Variants in CR2 observed in about 807,000 individuals in gnomAD.
The protein encoded by CR2 is complement C3d receptor 2.
A neutral mutation model predicts 123.0 loss-of-function variants in CR2; 96 were observed. The ratio of observed to expected loss-of-function variants is 0.78; its 90% CI spans 0.66 to 0.93. The LOEUF is 0.93. CR2 is among the 40% of genes least tolerant of loss of function. CR2 has a pLI of 0.00. For missense variants in CR2, 1,258 were observed against 1,361.0 expected, an observed-to-expected ratio of 0.92 and a Z score of 1.19; for synonymous variants, 484 against 469.5, an observed-to-expected ratio of 1.03 and a Z score of -0.40.
chr1:207,478,154 G>T (rs752693087), intron 16 of CR2, 84 bp downstream of exon 16: 138 of 1,411,548 alleles, frequency 9.8e-5, no homozygotes, highest in Non-Finnish European at 1.3e-4. Context: ...GGAGAGTCCT[G>T]GGTTTTAAAT....
Position 207,468,950 on chromosome 1 carries a change from G to A in CR2, c.734+51G>A, listed in dbSNP as rs1507764. 0.2 allele frequency: 312,203 copies of A among 1,583,030 alleles called. 31,846 individuals carry two copies. Among genetic ancestry groups the A allele is most frequent in the Middle Eastern group, 0.26 (1,544 of 5,996 alleles). On this transcript the variant is annotated intron_variant, in intron 4 of 19. Transcript: ENST00000367057. ...TTTAATTCATTTGTCTTGTGTGTGC[G>A]TGGTGTGGACTGTGAAACCTGCAGA...
In CR2 at chr1:207,475,141, A is replaced by G; in HGVS notation, c.2641A>G (p.Met881Val). Residue 881 changes from methionine (M) to valine (V), a missense_variant, in exon 14 of 20, where the codon ATG (methionine) becomes GTG (valine). By Grantham distance (21) the Met-to-Val change is conservative. Coordinates refer to ENST00000367057, the MANE Select transcript of CR2 (RefSeq NM_001006658.3). The part of the protein sequence containing the change: ...VYVDCNPGFI[M>V]NGSRVIRCHT... The stretch of plus-strand genomic sequence containing the variant: ...TGTTGACTGCAATCCTGGCTTCATC[A>G]TGAATGGTAGTCGCGTGATTAGGTG... 2 of 1,612,818 alleles carry G rather than the reference A, an allele frequency of 1.2e-6. No individual in the cohort carries two copies. The highest frequency in any genetic ancestry group is 1.7e-6 in the Non-Finnish European group (2 of 1,179,508).
At chr1:207,484,279 A>G (rs1245564969) in intron 18 of CR2, among the ~76,000 whole-genome samples, 3 of 152,260 alleles carry the variant, frequency 2.0e-5, no homozygotes, top group South Asian at 4.1e-4. Context: ...AAGTGCCTCA[A>G]CTGATATGAA....
chr1:207,473,041 T>C lies in CR2; in HGVS notation c.1840T>C (p.Ser614Pro). 6.2e-7 allele frequency: 1 copy of C among 1,614,016 alleles called. No individual in the cohort carries two copies. Among genetic ancestry groups the C allele is most frequent in the Non-Finnish European group, 8.5e-7 (1 of 1,179,930 alleles). Reference protein sequence around the residue: ...HVHIANGYKISGKEAPYFYND... With the variant: ...HVHIANGYKIPGKEAPYFYND... ...CCATATTGCAAATGGATACAAGATA[T>C]CTGGCAAGGAAGCCCCATATTTCTA... Residue 614 changes from serine to proline, a missense_variant, in exon 10 of 20, where the codon TCT (serine) becomes CCT (proline). Ser to Pro is a moderately conservative substitution (Grantham distance 74, BLOSUM62 -1). Coordinates refer to ENST00000367057, the MANE Select transcript of CR2 (RefSeq NM_001006658.3).
chr1:207,455,883 A>G (rs994386325), intron 1 of CR2, among the ~76,000 whole-genome samples: 1 of 152,182 alleles, frequency 6.6e-6, no homozygotes, highest in Non-Finnish European at 1.5e-5. Context: ...CCTATCAGCC[A>G]TTCAAGCTAC....
chr1:207,477,756 T>G, intron 15 of CR2, 129 bp from the exon 16 acceptor site: 1 of 751,956 alleles, frequency 1.3e-6, no homozygotes, highest in South Asian at 1.5e-5. Flanking sequence ...TTATCCTATT[T>G]CAGTGCAGCT....
At position 207,480,059 on chromosome 1, in the gene CR2, T is replaced by C. The variant is rs1558196854; in HGVS notation, c.3188+6T>C. ...ATATCAAAACACAGAGCACGGTAAG[T>C]TCAAAGGCGAATACTTGATTGACCA... is the stretch of plus-strand genomic sequence containing the variant. On this transcript the variant is annotated splice_donor_region_variant and intron_variant, in intron 18 of 19. Coordinates refer to ENST00000367057, the MANE Select transcript of CR2 (RefSeq NM_001006658.3). 6.2e-7 allele frequency: 1 copy of C among 1,603,008 alleles called. No individual in the cohort carries two copies. The highest frequency in any genetic ancestry group is 8.5e-7 in the Non-Finnish European group (1 of 1,170,240).
intron 1 of CR2, among the ~76,000 whole-genome samples, chr1:207,463,069 G>T (rs991714926): frequency 1.3e-5 from 2 of 152,104 alleles, no homozygotes; most frequent in Non-Finnish European, 2.9e-5. Flanking sequence ...AACACAAAAA[G>T]TCTCCAAAAA....
In CR2 at chr1:207,471,478, A is replaced by G; in HGVS notation, c.1549A>G (p.Met517Val). ...GTGTCAAGGCACAATTCCTTGGTTT[A>G]TGGAGATTCGTCTTTGTAAAGGTGA... ...QECQGTIPWF[M>V]EIRLCKEITC... Residue 517 changes from methionine to valine, a missense_variant, in exon 9 of 20, where the codon ATG becomes GTG. Physicochemically the swap from Met to Val is conservative, Grantham distance 21. Coordinates refer to ENST00000367057, the MANE Select transcript of CR2 (RefSeq NM_001006658.3). The G allele has an allele frequency of 5.0e-6, 8 of 1,612,120 alleles. No homozygotes were observed. Among genetic ancestry groups the G allele is most frequent in the Non-Finnish European group, 6.8e-6 (8 of 1,178,314 alleles).
chr1:207,476,714 AGTTAT>A (rs1225535574), intron 15 of CR2, among the ~76,000 whole-genome samples: 3 of 152,074 alleles, frequency 2.0e-5, no homozygotes, highest in East Asian at 1.9e-4. Context: ...CTGTAGTTAC[AGTTAT>A]GTTAAGTGTG....
At chr1:207,487,076 G>A (rs1265298772) in intron 19 of CR2, among the ~76,000 whole-genome samples, 1 of 152,142 alleles carries the variant, frequency 6.6e-6, no homozygotes, top group Non-Finnish European at 1.5e-5. Flanking sequence ...CAAGTACTGA[G>A]CCCTGGATCC....
intron 19 of CR2, among the ~76,000 whole-genome samples, chr1:207,486,230 CAAAAAAAAAAAAAAA>C (rs1173937738): frequency 2.3e-5 from 1 of 42,994 alleles, no homozygotes; most frequent in African/African-American, 8.3e-5. Context: ...GACTGCATCT[CAAAAAAAAAAAAAAA>C]AAAAAAAAAA....
At chr1:207,463,374 C>T (rs1658011810) in intron 1 of CR2, among the ~76,000 whole-genome samples, 1 of 152,160 alleles carries the variant, frequency 6.6e-6, no homozygotes, top group Non-Finnish European at 1.5e-5. Flanking sequence ...AATCACCTCC[C>T]TGATCCACTC....
Position 207,469,903 on chromosome 1 carries a change from T to C in CR2, c.1026T>C (p.Cys342=). 6.2e-7 allele frequency: 1 copy of C among 1,614,034 alleles called. No homozygotes were observed. The highest frequency in any genetic ancestry group is 8.5e-7 in the Non-Finnish European group (1 of 1,179,950). Residue 342 remains cysteine, a synonymous_variant, in exon 6 of 20, where the codon TGT becomes TGC. Transcript: ENST00000367057. ...CCTGGAGTGGCCCTGCCCCACGCTG[T>C]GAACTTTCTACTTCTGCGGTTCAGT... ...TGTWSGPAPR[C]ELSTSAVQCP... is the part of the protein sequence containing the mutation.
chr1:207,456,076 A>G (rs1558185386), intron 1 of CR2, among the ~76,000 whole-genome samples: 3 of 152,146 alleles, frequency 2.0e-5, no homozygotes, highest in East Asian at 3.8e-4. Context: ...AAATATATAT[A>G]TTTTCATTAT....
At chr1:207,460,113 A>G (rs890596995) in intron 1 of CR2, among the ~76,000 whole-genome samples, 2 of 152,164 alleles carry the variant, frequency 1.3e-5, no homozygotes, top group African/African-American at 4.8e-5. Flanking sequence ...CCTTATTTAC[A>G]TTTGATAATT....
At chr1:207,484,842 C>T (rs752295191) in intron 18 of CR2, among the ~76,000 whole-genome samples, 2 of 152,190 alleles carry the variant, frequency 1.3e-5, no homozygotes, top group African/African-American at 4.8e-5. Context: ...CAGACTAGAA[C>T]ATTGAGTCCC....
In CR2 at chr1:207,480,244, T is replaced by C. The variant is rs1159045983; in HGVS notation, c.3188+191T>C. Among the ~76,000 whole-genome samples the C allele has an allele frequency of 3.9e-5, 6 of 152,344 alleles. No homozygotes were observed. The East Asian group carries it at 9.6e-4, about 24-fold the overall frequency. On this transcript the variant is annotated intron_variant, in intron 18 of 19. Transcript: ENST00000367057. ...AAGAGATATCAAACACTTAGCTTAT[T>C]TTATTGAATGATGTTTATTCAGATA...
intron 18 of CR2, among the ~76,000 whole-genome samples, chr1:207,482,214 A>G (rs1339137267): frequency 6.6e-6 from 1 of 152,116 alleles, no homozygotes; most frequent in Non-Finnish European, 1.5e-5. Flanking sequence ...CTTTAAGCAT[A>G]TTTTTATATC....
Sources: gnomAD v4.1 joint callset for allele counts (sites outside exome capture counted in the v4.1 genomes callset) on GRCh38, gnomAD v4.1.1 for gene constraint, MANE v1.5 for transcripts, NCBI Gene and HGNC (gene_info 2026-07-23, HGNC 2026-07-21) for gene names.